WWOX: variants seen among roughly 807,000 people sequenced by gnomAD.
The protein encoded by WWOX is WW domain-containing oxidoreductase.
WWOX carries 69 observed loss-of-function variants against 46.2 expected under a neutral mutation model. The ratio of observed to expected loss-of-function variants is 1.49; its 90% CI spans 1.23 to 1.82. The LOEUF (loss-of-function observed/expected upper bound fraction) is 1.82, where lower values mean the gene tolerates loss of function less well. WWOX is among the 40% of genes most tolerant of loss of function. The probability of loss-of-function intolerance (pLI) is 0.00; values close to 1 mark genes in which losing one functional copy is unlikely to be tolerated. For synonymous variants in WWOX, 359 were observed against 202.6 expected (o/e 1.77, Z -6.56); for missense variants, 919 against 542.6 (o/e 1.69, Z -6.89).
chr16:79,018,409 C>T (rs775397886), intron 8 of WWOX, among the ~76,000 whole-genome samples: 2 of 152,136 alleles, frequency 1.3e-5, no homozygotes, highest in African/African-American at 4.8e-5. Flanking sequence ...AATTTGTGAG[C>T]AATCAGATAC....
chr16:79,096,772 A>G (rs577746028), intron 8 of WWOX, among the ~76,000 whole-genome samples: 1 of 152,146 alleles, frequency 6.6e-6, no homozygotes, highest in Non-Finnish European at 1.5e-5. Context: ...CATCCCCATC[A>G]CTAGGAACCT....
rs73569323 is a variant in WWOX at position 79,211,868 on chromosome 16, C to T, written c.*72C>T. ...CCCTCACGCAAGTGCCAGGGCTGGGCCCCTTCCAAATGTCCCTCCAACACA... is the reference window on the plus strand; with the variant it reads ...CCCTCACGCAAGTGCCAGGGCTGGGTCCCTTCCAAATGTCCCTCCAACACA... On this transcript the variant is annotated 3_prime_UTR_variant, in exon 9 of 9. Coordinates refer to ENST00000566780, the MANE Select transcript of WWOX (RefSeq NM_016373.4). The T allele has an allele frequency of 0.051, 80,610 of 1,596,134 alleles. 2,717 individuals carry two copies. Among genetic ancestry groups the T allele is most frequent in the African/African-American group, 0.16 (11,929 of 74,686 alleles).
intron 5 of WWOX, among the ~76,000 whole-genome samples, chr16:78,370,720 C>G (rs1305383035): frequency 6.6e-6 from 1 of 151,188 alleles, no homozygotes; most frequent in Non-Finnish European, 1.5e-5. Flanking sequence ...CTGGTCTTCA[C>G]CATCTGCCAA....
intron 8 of WWOX, among the ~76,000 whole-genome samples, chr16:78,985,427 T>C (rs1436335967): frequency 3.9e-5 from 6 of 152,014 alleles, no homozygotes; most frequent in Admixed American, 2.6e-4. Flanking sequence ...TTCACATCTC[T>C]GGCTAGTACA....
chr16:78,736,772 A>G (rs6564584), intron 8 of WWOX, among the ~76,000 whole-genome samples: 47,362 of 151,770 alleles, frequency 0.31, 11,881 homozygotes, highest in African/African-American at 0.7. Context: ...ACTAATTACT[A>G]AATTTTTAAA....
intron 5 of WWOX, among the ~76,000 whole-genome samples, chr16:78,212,765 G>A (rs753909482): frequency 2.6e-5 from 4 of 152,174 alleles, no homozygotes; most frequent in East Asian, 1.9e-4. Context: ...GGAAGGCAAA[G>A]TAAAAGCCAA....
intron 8 of WWOX, among the ~76,000 whole-genome samples, chr16:78,828,196 C>A (rs571639779): frequency 6.6e-6 from 1 of 152,206 alleles, no homozygotes; most frequent in East Asian, 1.9e-4. Flanking sequence ...GAGTTGGGGG[C>A]TGAGGACTTC....
intron 8 of WWOX, among the ~76,000 whole-genome samples, chr16:79,076,828 C>T (rs187931704): frequency 3.3e-5 from 5 of 152,218 alleles, no homozygotes; most frequent in African/African-American, 9.6e-5. Context: ...AACTGCTTAA[C>T]GCATGTGAAT....
At chr16:78,494,912 G>A (rs894094452) in intron 8 of WWOX, among the ~76,000 whole-genome samples, 2 of 152,266 alleles carry the variant, frequency 1.3e-5, no homozygotes, top group African/African-American at 4.8e-5. Context: ...CCTTAGAGAG[G>A]CTTGTTATTT....
intron 6 of WWOX, among the ~76,000 whole-genome samples, chr16:78,406,956 A>T (rs938145534): frequency 1.3e-5 from 2 of 152,094 alleles, no homozygotes; most frequent in Non-Finnish European, 2.9e-5. Context: ...AACTCCTTGG[A>T]TGCTACCTAA....
At chr16:78,120,163 G>A (rs2033015884) in intron 4 of WWOX, among the ~76,000 whole-genome samples, 2 of 151,972 alleles carry the variant, frequency 1.3e-5, no homozygotes, top group Admixed American at 1.3e-4. Context: ...GTATTACATG[G>A]ACCTATATAT....
intron 8 of WWOX, among the ~76,000 whole-genome samples, chr16:78,856,808 C>G (rs1424482576): frequency 6.6e-6 from 1 of 152,090 alleles, no homozygotes; most frequent in Non-Finnish European, 1.5e-5. Context: ...GTCATCATTG[C>G]TTAGAGAGGA....
At chr16:78,577,483 G>A (rs1334212908) in intron 8 of WWOX, among the ~76,000 whole-genome samples, 2 of 152,162 alleles carry the variant, frequency 1.3e-5, no homozygotes, top group Admixed American at 1.3e-4. Context: ...GAATTCACCA[G>A]GAAGGAAGTT....
intron 5 of WWOX, among the ~76,000 whole-genome samples, chr16:78,248,864 C>CTT (rs869134108): frequency 1.8e-3 from 208 of 117,394 alleles, no homozygotes; most frequent in Non-Finnish European, 2.0e-3. Context: ...GCCCCCCGGC[C>CTT]TTTTTTTTTT....
chr16:78,242,395 A>G (rs1031312802), intron 5 of WWOX, among the ~76,000 whole-genome samples: 1 of 152,168 alleles, frequency 6.6e-6, no homozygotes, highest in African/African-American at 2.4e-5. Context: ...CATTAACACA[A>G]CTTCTCCGTG....
chr16:78,579,099 C>T (rs1412680462), intron 8 of WWOX, among the ~76,000 whole-genome samples: 1 of 152,040 alleles, frequency 6.6e-6, no homozygotes, highest in African/African-American at 2.4e-5. Context: ...TTTGGTCTCT[C>T]GTCTTTGGCT....
chr16:78,179,472 A>G (rs1034262237), intron 5 of WWOX, among the ~76,000 whole-genome samples: 1 of 152,218 alleles, frequency 6.6e-6, no homozygotes, highest in Non-Finnish European at 1.5e-5. Flanking sequence ...GCAATTAATT[A>G]ATTATAGTTA....
chr16:78,774,521 TGTGTGTGTGTGC>T lies in WWOX; in HGVS notation c.1056+341771_1056+341782del, dbSNP rs889733453. 4.6e-5 allele frequency among the ~76,000 whole-genome samples: 5 copies of T among 109,458 alleles called. No homozygotes were observed. The South Asian group carries it at 8.5e-4, about 19-fold the overall frequency. 71.8% of individuals were successfully genotyped at this position (109,458 alleles called of 152,430 possible). Reference sequence around the variant, plus strand: ...TTGTGTGTGTGTGTGTGTGTGTGTGTGTGTGTGTGTGCGCGTGCGCACACGCATGAGCCTGTA... The same window carrying T: ...TTGTGTGTGTGTGTGTGTGTGTGTGTGCGTGCGCACACGCATGAGCCTGTA... On this transcript the variant is annotated intron_variant, in intron 8 of 8. Transcript: ENST00000566780.
At chr16:78,735,021 C>T (rs2049053644) in intron 8 of WWOX, among the ~76,000 whole-genome samples, 1 of 151,458 alleles carries the variant, frequency 6.6e-6, no homozygotes, top group Non-Finnish European at 1.5e-5. Flanking sequence ...CACCCACCAT[C>T]ATGCCCAGCT....
Sources: gnomAD v4.1 joint callset for allele counts (sites outside exome capture counted in the v4.1 genomes callset) on GRCh38, gnomAD v4.1.1 for gene constraint, MANE v1.5 for transcripts, NCBI Gene and HGNC (gene_info 2026-07-23, HGNC 2026-07-21) for gene names.